The following PLA2G4D variants were observed in gnomAD, a reference collection of about 807,000 sequenced individuals.
The protein encoded by PLA2G4D is phospholipase A2 group IVD.
A neutral mutation model predicts 94.4 loss-of-function variants in PLA2G4D; 80 were observed. The observed-to-expected ratio is 0.85, with a 90% CI of 0.71 to 1.02. PLA2G4D has a LOEUF of 1.02. Among genes scored for constraint, PLA2G4D ranks in the 50% least tolerant of loss-of-function variants. The pLI is 0.00. For synonymous variants in PLA2G4D, 438 were observed against 440.9 expected, an observed-to-expected ratio of 0.99 and a Z score of 0.08; for missense variants, 1,050 against 1,034.7, an observed-to-expected ratio of 1.01 and a Z score of -0.20.
rs1250779880 is a variant in PLA2G4D at position 42,071,205 on chromosome 15, G to A, written c.1794C>T (p.Leu598=). 6.2e-7 allele frequency: 1 copy of A among 1,613,404 alleles called. No homozygotes were observed. The highest frequency in any genetic ancestry group is 8.5e-7 in the Non-Finnish European group (1 of 1,179,776). ...GGAGGAAGTTGGGGCTGCGCTGGTG[G>A]AGGGGCCTGCCTGTCAGGAAGCCTT... The part of the protein sequence containing the change: ...AFKGFLTGRP[L]HQRSPNFLQG... Residue 598 remains leucine (L), a synonymous_variant, in exon 17 of 20, where the codon CTC becomes CTT. Transcript: ENST00000290472.
At chr15:42,081,264 T>C (rs1208610963) in intron 11 of PLA2G4D, 131 bp from the exon 12 acceptor site, 13 of 1,459,312 alleles carry the variant, frequency 8.9e-6, no homozygotes, top group Non-Finnish European at 9.1e-6. Flanking sequence ...GAGTCAGGGT[T>C]AGAGCTGGGT....
intron 1 of PLA2G4D, among the ~76,000 whole-genome samples, chr15:42,093,877 T>A (rs1379601578): frequency 6.6e-6 from 1 of 152,016 alleles, no homozygotes; most frequent in Non-Finnish European, 1.5e-5. Flanking sequence ...TGGCAGAGGA[T>A]GAAAACTCTG....
Position 42,068,686 on chromosome 15 carries a change from C to CT in PLA2G4D, c.*28dup. 12 of 1,573,870 alleles carry CT rather than the reference C, an allele frequency of 7.6e-6. No homozygotes were observed. The highest frequency in any genetic ancestry group is 9.5e-6 in the Non-Finnish European group (11 of 1,158,512). On this transcript the variant is annotated 3_prime_UTR_variant, in exon 20 of 20. Coordinates refer to ENST00000290472, the MANE Select transcript of PLA2G4D (RefSeq NM_178034.4). Reference sequence around the variant, plus strand: ...ACAGATCAGGTTATGCCCGCAGGCCCTGGAGGGTCCTGCAGCCTCTGAGCA... The same window carrying CT: ...ACAGATCAGGTTATGCCCGCAGGCCCTTGGAGGGTCCTGCAGCCTCTGAGCA...
chr15:42,089,359 A>G (rs1010455551), intron 1 of PLA2G4D, among the ~76,000 whole-genome samples: 6 of 151,958 alleles, frequency 3.9e-5, no homozygotes, highest in Admixed American at 2.6e-4. Flanking sequence ...GTAAAGGACC[A>G]TGGGCCACAG....
intron 17 of PLA2G4D, 101 bp downstream of exon 17, chr15:42,071,022 C>G: frequency 6.5e-7 from 1 of 1,540,790 alleles, no homozygotes; most frequent in Non-Finnish European, 8.8e-7. Flanking sequence ...CCAGGCCACA[C>G]CCCAGAAGTG....
At chr15:42,070,981 C>T (rs1323771110) in intron 17 of PLA2G4D, 98 bp from the exon 18 acceptor site, 2 of 1,522,318 alleles carry the variant, frequency 1.3e-6, no homozygotes, top group Non-Finnish European at 1.8e-6. Context: ...GCCACCCAGC[C>T]CTTCCCCAGG....
chr15:42,092,931 G>A (rs897608784), intron 1 of PLA2G4D, among the ~76,000 whole-genome samples: 4 of 152,204 alleles, frequency 2.6e-5, no homozygotes, highest in African/African-American at 9.6e-5. Flanking sequence ...GTCGTCTGCT[G>A]GCACTGGCGC....
intron 1 of PLA2G4D, among the ~76,000 whole-genome samples, chr15:42,092,013 G>A (rs962809609): frequency 1.1e-4 from 17 of 152,128 alleles, no homozygotes; most frequent in African/African-American, 3.9e-4. Context: ...GGCCACTACC[G>A]GTCTCCGCGC....
chr15:42,085,221 G>A (rs1890118636), intron 5 of PLA2G4D, 83 bp from the exon 6 acceptor site: 1 of 1,503,796 alleles, frequency 6.6e-7, no homozygotes, highest in Non-Finnish European at 9.3e-7. Flanking sequence ...CCTGGGTGAT[G>A]CTGAGGGCTC....
rs988554709 is a variant in PLA2G4D, at chr15:42,084,558, G to A, written c.471+538C>T. Among the ~76,000 whole-genome samples the A allele has an allele frequency of 2.0e-4, 30 of 152,112 alleles. No individual in the cohort carries two copies. The highest frequency in any genetic ancestry group is 7.0e-4 in the African/African-American group (29 of 41,396). ...TGATAATCGAGCGCGTCGCCCGCTC[G>A]CCACCTTGCGGCCATTTCTGTCCAC... is the stretch of plus-strand genomic sequence containing the variant. On this transcript the variant is annotated intron_variant, in intron 6 of 19. Coordinates refer to ENST00000290472, the MANE Select transcript of PLA2G4D (RefSeq NM_178034.4). This position sits in a 1 kb window ranked among gnomAD's most constrained non-coding sequence, Gnocchi z 4.8.
chr15:42,085,177 C>T (rs1250190630), intron 5 of PLA2G4D, 39 bp from the exon 6 acceptor site: 1 of 1,613,086 alleles, frequency 6.2e-7, no homozygotes, highest in Non-Finnish European at 8.5e-7. Context: ...ACGCTTCCTG[C>T]ATTGACCTCC....
Position 42,081,498 on chromosome 15 carries a change from C to G in PLA2G4D, c.938G>C (p.Arg313Thr), listed in dbSNP as rs777165562. The G allele has an allele frequency of 6.2e-7, 1 of 1,614,114 alleles. No individual in the cohort carries two copies. The highest frequency in any genetic ancestry group is 1.3e-5 in the African/African-American group (1 of 75,066). ...KALKQALQLD[R>T]DLQEDEVPVV... ...CCAGACCTCATCCTCCTGCAGGTCTCTGTCCAGCTGCAGGGCCTGCTTCAG... is the reference window on the plus strand; with the variant it reads ...CCAGACCTCATCCTCCTGCAGGTCTGTGTCCAGCTGCAGGGCCTGCTTCAG... The change falls in exon 11 of 20, where the codon AGA (arginine) becomes ACA (threonine). Residue 313 changes from arginine to threonine, a missense_variant. Coordinates refer to ENST00000290472, the MANE Select transcript of PLA2G4D (RefSeq NM_178034.4).
rs372898002 is a variant in PLA2G4D, at chr15:42,081,473, C to G, written c.957+6G>C. The G allele has an allele frequency of 6.2e-7, 1 of 1,613,176 alleles. No individual in the cohort carries two copies. Among genetic ancestry groups the G allele is most frequent in the Non-Finnish European group, 8.5e-7 (1 of 1,179,472 alleles). ...TCTGCACACACATCCCTCTGCACCC[C>G]CAGACCTCATCCTCCTGCAGGTCTC... On this transcript the variant is annotated splice_donor_region_variant and intron_variant, in intron 11 of 19. Transcript: ENST00000290472.
chr15:42,089,103 A>C, intron 1 of PLA2G4D, among the ~76,000 whole-genome samples: 1 of 152,202 alleles, frequency 6.6e-6, no homozygotes, highest in Middle Eastern at 3.2e-3. Flanking sequence ...CCCGACCCTG[A>C]GGGAGCCAAA....
intron 13 of PLA2G4D, among the ~76,000 whole-genome samples, chr15:42,072,617 A>T (rs1387381517): frequency 1.3e-5 from 2 of 152,058 alleles, no homozygotes; most frequent in African/African-American, 4.8e-5. Context: ...TGTACTATGA[A>T]TCTCCAGCGA....
Position 42,077,252 on chromosome 15 carries a change from A to G in PLA2G4D, c.1317+2285T>C, listed in dbSNP as rs79426985. Among the ~76,000 whole-genome samples the G allele has an allele frequency of 1.5e-4, 23 of 152,354 alleles. No individual in the cohort carries two copies. The East Asian group carries it at 4.0e-3, about 27-fold the overall frequency. ...TATCCAAGGCCAGAACTACATTGAT[A>G]CAAAAGCCAGATAAGGACACAAACA... On this transcript the variant is annotated intron_variant, in intron 13 of 19. Coordinates refer to ENST00000290472, the MANE Select transcript of PLA2G4D (RefSeq NM_178034.4).
rs1219016671 is a variant in PLA2G4D at position 42,067,515 on chromosome 15, G to A, written c.*1200C>T. ...AGATTGCACCATTGAACTTGGCCTG[G>A]GTGACAGAGTGTGATGAGATTCTGT... On this transcript the variant is annotated 3_prime_UTR_variant, in exon 20 of 20. Transcript: ENST00000290472. 1 of 149,338 alleles carries A rather than the reference G, an allele frequency of 6.7e-6. No individual in the cohort carries two copies. Among genetic ancestry groups the A allele is most frequent in the Non-Finnish European group, 1.5e-5 (1 of 67,500 alleles). The allele number at this position is 149,338 out of a possible 1,614,324, so 9.3% of individuals were successfully genotyped here. A position where few individuals can be genotyped will look rare whatever the true frequency, so the allele number is the denominator to read the frequency against.
At position 42,081,047 on chromosome 15, in the gene PLA2G4D, C is replaced by G; in HGVS notation, c.1044G>C (p.Leu348=). The change falls in exon 12 of 20, where the codon CTG becomes CTC. Residue 348 remains leucine, a synonymous_variant. Coordinates refer to ENST00000290472, the MANE Select transcript of PLA2G4D (RefSeq NM_178034.4). ...AGTAGGTCACACAGTCTAGGAGGCCCAGCTTCTGCAAGGCCAATAGGTGGC... is the reference window on the plus strand; with the variant it reads ...AGTAGGTCACACAGTCTAGGAGGCCGAGCTTCTGCAAGGCCAATAGGTGGC... The part of the protein sequence containing the change: ...LYGHLLALQK[L]GLLDCVTYFS... 1 of 1,614,174 alleles carries G rather than the reference C, an allele frequency of 6.2e-7. No individual in the cohort carries two copies. The highest frequency in any genetic ancestry group is 8.5e-7 in the Non-Finnish European group (1 of 1,180,022).
intron 19 of PLA2G4D, among the ~76,000 whole-genome samples, chr15:42,069,538 G>C (rs991815953): frequency 2.6e-5 from 4 of 152,176 alleles, no homozygotes; most frequent in African/African-American, 7.2e-5. Context: ...GAGAGGCCCA[G>C]CTCCCTGAGA....
Sources: allele counts gnomAD v4.1 joint callset (sites outside exome capture counted in the v4.1 genomes callset), GRCh38; gene constraint gnomAD v4.1.1; non-coding constraint Gnocchi (gnomAD v3.1); transcripts MANE v1.5; gene names NCBI Gene and HGNC (gene_info 2026-07-23, HGNC 2026-07-21).